Variants in MIOS observed in about 807,000 individuals in gnomAD.
MIOS encodes meiosis regulator for oocyte development, also known as GATOR2 complex protein MIOS.
A neutral mutation model predicts 96.9 loss-of-function variants in MIOS; 52 were observed. The observed-to-expected ratio is 0.54, with a 90% confidence interval of 0.43 to 0.68. MIOS has a LOEUF of 0.68. Ranked by LOEUF, MIOS falls within the 30% of genes least tolerant of loss-of-function variation. The pLI is 0.00. For synonymous variants in MIOS, 397 were observed against 359.5 expected, an observed-to-expected ratio of 1.10 and a Z score of -1.18; for missense variants, 1,005 against 1,052.8, an observed-to-expected ratio of 0.95 and a Z score of 0.63.
rs115860112 is a variant in MIOS, at chr7:7,576,695, A to G, written c.1393+2499A>G. On this transcript the variant is annotated intron_variant, in intron 5 of 12. Transcript: ENST00000340080. ...TCTTGTAAGACGGGGAAACAGATGG[A>G]TTTGTGACAGATTTGTGTTTTAAAA... Among the ~76,000 whole-genome samples, 938 of 152,266 alleles carry G rather than the reference A, an allele frequency of 6.2e-3. 6 individuals carry two copies. Among genetic ancestry groups the G allele is most frequent in the African/African-American group, 0.022 (907 of 41,552 alleles).
chr7:7,604,426 A>G (rs777683794), intron 11 of MIOS, among the ~76,000 whole-genome samples: 62 of 152,222 alleles, frequency 4.1e-4, no homozygotes, highest in Non-Finnish European at 6.9e-4. Flanking sequence ...TAACATCATT[A>G]TAAACATTAT....
chr7:7,571,758 G>C (rs1188193470), intron 3 of MIOS, among the ~76,000 whole-genome samples: 1 of 152,198 alleles, frequency 6.6e-6, no homozygotes, highest in Non-Finnish European at 1.5e-5. Context: ...ACTCAGGTTC[G>C]TTCAGTACAT....
At position 7,573,845 on chromosome 7, in the gene MIOS, T is replaced by A; in HGVS notation, c.1294+76T>A. ...TGAAGTTTGCCAAAAGGTCAGTCTG[T>A]AAATATGCTCAATGTTTTATATACA... On this transcript the variant is annotated intron_variant, in intron 4 of 12. Coordinates refer to ENST00000340080, the MANE Select transcript of MIOS (RefSeq NM_019005.4). The surrounding 1 kb of genome is among the most constrained non-coding windows in gnomAD (Gnocchi z 5.0). 7.7e-7 allele frequency: 1 copy of A among 1,294,126 alleles called. No homozygotes were observed. Among genetic ancestry groups the A allele is most frequent in the South Asian group, 1.5e-5 (1 of 68,564 alleles). 80.2% of individuals were successfully genotyped at this position (1,294,126 alleles called of 1,614,324 possible).
chr7:7,584,505 A>G lies in MIOS; in HGVS notation c.1649-1131A>G, dbSNP rs556200448. Among the ~76,000 whole-genome samples, 3 of 152,256 alleles carry G rather than the reference A, an allele frequency of 2.0e-5. No homozygotes were observed. In the East Asian group the frequency reaches 5.8e-4, roughly 29 times the overall value. On this transcript the variant is annotated intron_variant, in intron 6 of 12. Coordinates refer to ENST00000340080, the MANE Select transcript of MIOS (RefSeq NM_019005.4). ...AAACATTCTTTTCCATTTAGAAGTA[A>G]ATTGTTCTATACAAAATCCAAAGAT...
rs953623204 is a variant in MIOS at position 7,596,296 on chromosome 7, T to C, written c.2236T>C (p.Tyr746His). 21 of 1,614,186 alleles carry C rather than the reference T, an allele frequency of 1.3e-5. No homozygotes were observed. Among genetic ancestry groups the C allele is most frequent in the Non-Finnish European group, 1.7e-5 (20 of 1,180,014 alleles). Residue 746 changes from tyrosine to histidine, a missense_variant, in exon 11 of 13, where the codon TAC becomes CAC. By Grantham distance (83) the Tyr-to-His change is moderately conservative. Transcript: ENST00000340080. The part of the protein sequence containing the change: ...SCNFCGKSIS[Y>H]SCSAVPHQGR... ...CAATTTCTGTGGCAAGTCAATCTCC[T>C]ACAGCTGTTCAGCTGTGCCTCATCA... is the stretch of plus-strand genomic sequence containing the variant.
At chr7:7,594,164 A>G (rs1234316012) in intron 9 of MIOS, among the ~76,000 whole-genome samples, 1 of 152,160 alleles carries the variant, frequency 6.6e-6, no homozygotes, top group East Asian at 1.9e-4. Context: ...GTTTTAATTG[A>G]AGGCAAGAGT....
chr7:7,583,318 T>G lies in MIOS; in HGVS notation c.1594T>G (p.Leu532Val), dbSNP rs749246953. 1 of 1,613,984 alleles carries G rather than the reference T, an allele frequency of 6.2e-7. No homozygotes were observed. The highest frequency in any genetic ancestry group is 1.1e-5 in the South Asian group (1 of 91,058). The change falls in exon 6 of 13, where the codon TTG becomes GTG. Residue 532 changes from leucine to valine, a missense_variant. By Grantham distance (32) the Leu-to-Val change is conservative. Coordinates refer to ENST00000340080, the MANE Select transcript of MIOS (RefSeq NM_019005.4). Reference protein sequence around the residue: ...ERAAAVALFNLDIRRAIQILN... With the variant: ...ERAAAVALFNVDIRRAIQILN... ...AGCTGCTGCTGTGGCATTGTTCAAC[T>G]TGGATATTCGCCGAGCAATCCAAAT...
intron 9 of MIOS, among the ~76,000 whole-genome samples, chr7:7,592,742 A>G (rs565492791): frequency 7.2e-5 from 11 of 152,240 alleles, no homozygotes; most frequent in African/African-American, 2.6e-4. Flanking sequence ...TAATGCCACC[A>G]CTGATCTGAC....
chr7:7,583,608 A>T (rs1783797190), intron 6 of MIOS, among the ~76,000 whole-genome samples: 1 of 152,158 alleles, frequency 6.6e-6, no homozygotes, highest in Admixed American at 6.6e-5. Context: ...TTAGTATAAT[A>T]TTATAAGGAG....
intron 7 of MIOS, among the ~76,000 whole-genome samples, chr7:7,587,859 G>T (rs1235588783): frequency 2.6e-5 from 4 of 152,158 alleles, no homozygotes; most frequent in African/African-American, 9.6e-5. Flanking sequence ...AAAATTAATT[G>T]TACCTTCCTA....
intron 3 of MIOS, among the ~76,000 whole-genome samples, chr7:7,568,709 C>T (rs1285754701): frequency 6.6e-6 from 1 of 152,194 alleles, no homozygotes; most frequent in African/African-American, 2.4e-5. Context: ...GTAGCTGATC[C>T]TTTTCTTTGC....
chr7:7,592,311 T>G (rs988749520), intron 9 of MIOS, among the ~76,000 whole-genome samples: 5 of 152,214 alleles, frequency 3.3e-5, no homozygotes, highest in Non-Finnish European at 2.9e-5. Context: ...TTCTGTTGAC[T>G]TATTCCATCA....
chr7:7,573,065 A>G lies in MIOS; in HGVS notation c.590A>G (p.Gln197Arg), dbSNP rs1186793161. 1 of 1,614,010 alleles carries G rather than the reference A, an allele frequency of 6.2e-7. No individual in the cohort carries two copies. The highest frequency in any genetic ancestry group is 8.5e-7 in the Non-Finnish European group (1 of 1,179,990). Residue 197 changes from glutamine to arginine, a missense_variant, in exon 4 of 13, where the codon CAG becomes CGG. Transcript: ENST00000340080. This position sits in a 1 kb window ranked among gnomAD's most constrained non-coding sequence, Gnocchi z 5.0. Reference sequence around the variant, plus strand: ...TCTCTTTGTTGGCTTCCACGAGACCAGAAACTTCTCCTTGCTGGTATGCAT... The same window carrying G: ...TCTCTTTGTTGGCTTCCACGAGACCGGAAACTTCTCCTTGCTGGTATGCAT... The part of the protein sequence containing the change: ...CLSLCWLPRD[Q>R]KLLLAGMHRN...
At chr7:7,604,067 G>A (rs2115505799) in intron 11 of MIOS, among the ~76,000 whole-genome samples, 1 of 151,550 alleles carries the variant, frequency 6.6e-6, no homozygotes, top group South Asian at 2.1e-4. Flanking sequence ...ACTGTTGTGG[G>A]GTGCGGGGAA....
At position 7,573,597 on chromosome 7, in the gene MIOS, A is replaced by T; in HGVS notation, c.1122A>T (p.Leu374Phe). The change falls in exon 4 of 13, where the codon TTA becomes TTT. Residue 374 changes from leucine to phenylalanine, a missense_variant. Physicochemically the swap from Leu to Phe is conservative, Grantham distance 22. Around this residue, in one of 3 missense-constraint regions of MIOS, gnomAD observed 865 missense variants for 887.9 expected, o/e 0.97. Coordinates refer to ENST00000340080, the MANE Select transcript of MIOS (RefSeq NM_019005.4). This position sits in a 1 kb window ranked among gnomAD's most constrained non-coding sequence, Gnocchi z 5.0. Reference sequence around the variant, plus strand: ...TAATGTGGGCTTGTGGTCGTCATTTATATGAATGTACGGAAGAAGAAAATG... The same window carrying T: ...TAATGTGGGCTTGTGGTCGTCATTTTTATGAATGTACGGAAGAAGAAAATG... ...TSLMWACGRH[L>F]YECTEEENDN... 6.2e-7 allele frequency: 1 copy of T among 1,614,102 alleles called. No homozygotes were observed. The highest frequency in any genetic ancestry group is 8.5e-7 in the Non-Finnish European group (1 of 1,179,948).
intron 5 of MIOS, 87 bp downstream of exon 5, chr7:7,574,283 A>C (rs959975951): frequency 1.1e-6 from 1 of 936,686 alleles, no homozygotes; most frequent in African/African-American, 1.7e-5. Flanking sequence ...GAAATTATCT[A>C]GTTATTTCAG....
At chr7:7,589,128 G>C (rs1400725708) in intron 8 of MIOS, among the ~76,000 whole-genome samples, 1 of 152,038 alleles carries the variant, frequency 6.6e-6, no homozygotes, top group African/African-American at 2.4e-5. Context: ...GCAGAATAAT[G>C]AGGACAATTA....
intron 5 of MIOS, among the ~76,000 whole-genome samples, chr7:7,575,645 A>C (rs972251037): frequency 1.2e-4 from 18 of 152,136 alleles, no homozygotes; most frequent in African/African-American, 3.4e-4. Context: ...GCCACACTGC[A>C]CTCAATTATT....
intron 9 of MIOS, among the ~76,000 whole-genome samples, 162 bp downstream of exon 9, chr7:7,589,725 T>C (rs1261776145): frequency 6.6e-6 from 1 of 152,252 alleles, no homozygotes; most frequent in Non-Finnish European, 1.5e-5. Flanking sequence ...CTTATCTTAC[T>C]GTCCCTAAGC....
Sources: allele counts gnomAD v4.1 joint callset (sites outside exome capture counted in the v4.1 genomes callset), GRCh38; gene constraint gnomAD v4.1.1; regional missense constraint gnomAD v4.1.1; non-coding constraint Gnocchi (gnomAD v3.1); transcripts MANE v1.5; gene names NCBI Gene and HGNC (gene_info 2026-07-23, HGNC 2026-07-21).